The following THSD4 variants were observed in gnomAD, a reference collection of about 807,000 sequenced individuals.
The protein encoded by THSD4 is thrombospondin type-1 domain-containing protein 4.
THSD4 carries 69 observed loss-of-function variants against 119.0 expected under a neutral mutation model. The ratio of observed to expected loss-of-function variants is 0.58; its 90% CI spans 0.48 to 0.71. THSD4 has a LOEUF of 0.71. Among genes scored for constraint, THSD4 ranks in the 30% least tolerant of loss-of-function variants. The probability of loss-of-function intolerance (pLI) is 0.00; values close to 1 mark genes in which losing one functional copy is unlikely to be tolerated. For synonymous variants in THSD4, 524 were observed against 540.4 expected (o/e 0.97, Z 0.42); for missense variants, 1,393 against 1,391.1 (o/e 1.00, Z -0.02).
intron 5 of THSD4, 125 bp downstream of exon 5, chr15:71,243,221 C>A: frequency 1.0e-6 from 1 of 953,220 alleles, no homozygotes; most frequent in Non-Finnish European, 1.5e-6. Context: ...ACCTTTTAAT[C>A]TTCCTCCTTT....
At chr15:71,570,263 C>A (rs2049323305) in intron 7 of THSD4, among the ~76,000 whole-genome samples, 1 of 152,146 alleles carries the variant, frequency 6.6e-6, no homozygotes, top group Non-Finnish European at 1.5e-5. Context: ...AAATGGCTTT[C>A]TCGTTTGTGT....
At chr15:71,753,496 G>T (rs1173310621) in intron 14 of THSD4, among the ~76,000 whole-genome samples, 1 of 152,234 alleles carries the variant, frequency 6.6e-6, no homozygotes, top group East Asian at 1.9e-4. Flanking sequence ...GGCCAGTTGG[G>T]CCAAGTTTAG....
intron 6 of THSD4, among the ~76,000 whole-genome samples, chr15:71,358,195 C>T (rs900744069): frequency 6.6e-6 from 1 of 152,226 alleles, no homozygotes; most frequent in African/African-American, 2.4e-5. Flanking sequence ...GTCTCTCTCA[C>T]CCCAGGGTAC....
intron 7 of THSD4, among the ~76,000 whole-genome samples, chr15:71,496,922 C>T (rs535410450): frequency 6.6e-6 from 1 of 152,276 alleles, no homozygotes; most frequent in African/African-American, 2.4e-5. Flanking sequence ...GCTCCAGGAG[C>T]ATTTGCTGGA....
At chr15:71,160,879 A>G (rs893548006) in intron 3 of THSD4, among the ~76,000 whole-genome samples, 1 of 151,314 alleles carries the variant, frequency 6.6e-6, no homozygotes, top group African/African-American at 2.4e-5. Context: ...TGGTTAAATT[A>G]TTTATTAGAA....
intron 6 of THSD4, among the ~76,000 whole-genome samples, chr15:71,390,490 T>A (rs909657284): frequency 4.6e-5 from 7 of 152,182 alleles, no homozygotes; most frequent in Admixed American, 3.3e-4. Context: ...TTTACATAAG[T>A]CTACAGAGGC....
At chr15:71,295,804 T>C (rs981188655) in intron 6 of THSD4, among the ~76,000 whole-genome samples, 1 of 152,186 alleles carries the variant, frequency 6.6e-6, no homozygotes, top group African/African-American at 2.4e-5. Context: ...ATGTCAGTAA[T>C]ATCCCCATCC....
chr15:71,167,361 T>C (rs1166050552), intron 3 of THSD4, among the ~76,000 whole-genome samples: 1 of 152,254 alleles, frequency 6.6e-6, no homozygotes, highest in Admixed American at 6.5e-5. Context: ...TGAATAAGCA[T>C]GGCTGTGTTC....
At chr15:71,120,218 CCTG>C (rs2040397495) in intron 1 of THSD4, among the ~76,000 whole-genome samples, 1 of 152,102 alleles carries the variant, frequency 6.6e-6, no homozygotes, top group Non-Finnish European at 1.5e-5. Flanking sequence ...ATCCAACATC[CCTG>C]CTCGCCCCAC....
intron 7 of THSD4, among the ~76,000 whole-genome samples, chr15:71,593,422 TCAAAAAAAAAAAAAAAAAAAAAAA>T: frequency 9.1e-4 from 1 of 1,096 alleles, no homozygotes; most frequent in Non-Finnish European, 3.7e-3. Flanking sequence ...AGACTCCGTC[TCAAAAAAAAAAAAAAAAAAAAAAA>T]AAAAAAAAAA....
chr15:71,648,969 A>C (rs1294387359), intron 7 of THSD4, among the ~76,000 whole-genome samples: 1 of 152,190 alleles, frequency 6.6e-6, no homozygotes, highest in East Asian at 1.9e-4. Flanking sequence ...AAATGATGTC[A>C]CCTGCGGGTG....
chr15:71,433,530 A>T (rs2046968653), intron 7 of THSD4, among the ~76,000 whole-genome samples: 1 of 149,620 alleles, frequency 6.7e-6, no homozygotes, highest in African/African-American at 2.5e-5. Flanking sequence ...CCAGTGTCAT[A>T]TTAACTAAGG....
At chr15:71,332,892 A>ATTTTTTTTTTTTTTGTTT (rs2045442612) in intron 6 of THSD4, among the ~76,000 whole-genome samples, 1 of 76,940 alleles carries the variant, frequency 1.3e-5, no homozygotes. Flanking sequence ...ATTTTTTTAC[A>ATTTTTTTTTTTTTTGTTT]TTTTTTTTTT....
intron 6 of THSD4, among the ~76,000 whole-genome samples, chr15:71,355,989 T>G (rs1461593864): frequency 1.3e-5 from 2 of 152,108 alleles, no homozygotes. Context: ...TGCCTCAACC[T>G]CCTGAGTAGC....
chr15:71,214,971 C>T, intron 3 of THSD4, 64 bp from the exon 4 acceptor site: 3 of 1,223,344 alleles, frequency 2.5e-6, no homozygotes, highest in South Asian at 4.1e-5. Flanking sequence ...CGACCCTGCT[C>T]AAAGCTTTTC....
chr15:71,200,988 A>G (rs2043799190), intron 3 of THSD4, among the ~76,000 whole-genome samples: 1 of 152,084 alleles, frequency 6.6e-6, no homozygotes, highest in Non-Finnish European at 1.5e-5. Context: ...CATTCCCATT[A>G]TACTGAGTTC....
intron 8 of THSD4, among the ~76,000 whole-genome samples, chr15:71,707,265 C>T (rs188495842): frequency 3.3e-5 from 5 of 152,162 alleles, no homozygotes; most frequent in Admixed American, 6.5e-5. Context: ...GAAGCCCACA[C>T]GAGTTGGTCA....
chr15:71,497,997 AG>A (rs35715597), intron 7 of THSD4, among the ~76,000 whole-genome samples: 1 of 152,154 alleles, frequency 6.6e-6, no homozygotes, highest in Non-Finnish European at 1.5e-5. Flanking sequence ...TGACAAGGGG[AG>A]GGTGGGTTAT....
chr15:71,543,770 G>A (rs879518711), intron 7 of THSD4, among the ~76,000 whole-genome samples: 1 of 152,190 alleles, frequency 6.6e-6, no homozygotes, highest in Admixed American at 6.5e-5. Context: ...GCTCATACCT[G>A]TAATCCCAGC....
Sources: allele counts gnomAD v4.1 joint callset (sites outside exome capture counted in the v4.1 genomes callset), GRCh38; gene constraint gnomAD v4.1.1; transcripts MANE v1.5; gene names NCBI Gene and HGNC (gene_info 2026-07-23, HGNC 2026-07-21).